Variants in CD163L1 observed in about 807,000 individuals in gnomAD.
The protein encoded by CD163L1 is scavenger receptor cysteine-rich type 1 protein M160.
A neutral mutation model predicts 165.4 loss-of-function variants in CD163L1; 124 were observed. The observed-to-expected ratio is 0.75, with a 90% CI of 0.65 to 0.87. CD163L1 has a LOEUF of 0.87. CD163L1 is among the 40% of genes least tolerant of loss of function. The probability of loss-of-function intolerance (pLI) is 0.00; values close to 1 mark genes in which losing one functional copy is unlikely to be tolerated. For missense variants in CD163L1, 1,525 were observed against 1,799.9 expected (o/e 0.85, Z 2.76); for synonymous variants, 585 against 662.2 (o/e 0.88, Z 1.79).
the CD163L1 span, among the ~76,000 whole-genome samples, chr12:7,339,684 A>AT: frequency 6.6e-6 from 1 of 151,904 alleles, no homozygotes; most frequent in Non-Finnish European, 1.5e-5. Flanking sequence ...TAGAGAGAAT[A>AT]TTTTTCAGGC....
At chr12:7,416,052 A>G (rs1162156000) in intron 4 of CD163L1, among the ~76,000 whole-genome samples, 2 of 152,220 alleles carry the variant, frequency 1.3e-5, no homozygotes, top group Non-Finnish European at 2.9e-5. Context: ...ACAGTGTAAA[A>G]GCATTCCTAT....
intron 7 of CD163L1, among the ~76,000 whole-genome samples, chr12:7,397,894 C>T (rs938511274): frequency 3.9e-5 from 6 of 152,068 alleles, no homozygotes; most frequent in Non-Finnish European, 7.4e-5. Context: ...TGATATGAGC[C>T]CTAAGCAGAG....
chr12:7,352,388 T>C (rs1946712781), downstream of CD163L1, among the ~76,000 whole-genome samples: 2 of 152,104 alleles, frequency 1.3e-5, no homozygotes, highest in South Asian at 2.1e-4. Context: ...ACTAGGAAGA[T>C]ATTAACAGGG....
At chr12:7,419,002 G>C (rs914798978) in intron 4 of CD163L1, among the ~76,000 whole-genome samples, 1 of 152,004 alleles carries the variant, frequency 6.6e-6, no homozygotes, top group African/African-American at 2.4e-5. Context: ...GATTCAGAGA[G>C]AATCCTCCGT....
rs755446430 is a variant in CD163L1, at chr12:7,439,464, G to A, written c.124+1690C>T. The A allele has an allele frequency of 9.3e-5, 147 of 1,582,388 alleles. 1 individual carries two copies. The highest frequency in any genetic ancestry group is 1.1e-4 in the Non-Finnish European group (130 of 1,170,494). On this transcript the variant is annotated intron_variant, in intron 2 of 19. Coordinates refer to ENST00000313599, the MANE Select transcript of CD163L1 (RefSeq NM_174941.6). ...GTTTGGACTTGTCTTTTAGCTTCCC[G>A]GCCTTTGCTTTTTTCTTTTTCAGAT...
At chr12:7,379,448 T>C (rs1202861221) in intron 8 of CD163L1, 150 bp from the exon 9 acceptor site, 2 of 716,908 alleles carry the variant, frequency 2.8e-6, no homozygotes, top group African/African-American at 3.5e-5. Context: ...TTTTATTTTT[T>C]ACTTTCCTTC....
At chr12:7,436,501 A>G (rs1948714383) in intron 2 of CD163L1, among the ~76,000 whole-genome samples, 2 of 152,186 alleles carry the variant, frequency 1.3e-5, no homozygotes, top group African/African-American at 4.8e-5. Context: ...CCCAGATGCC[A>G]TGGCTCATGT....
At chr12:7,367,117 G>T in intron 18 of CD163L1, 119 bp downstream of exon 18, 2 of 466,598 alleles carry the variant, frequency 4.3e-6, no homozygotes, top group South Asian at 6.6e-5. Context: ...TTTCCCTTTC[G>T]CGTATTTTGT....
chr12:7,414,839 A>G (rs1257490117), intron 4 of CD163L1, among the ~76,000 whole-genome samples: 1 of 152,182 alleles, frequency 6.6e-6, no homozygotes. Context: ...AACCCTGCCA[A>G]TCAAGAACAT....
intron 2 of CD163L1, chr12:7,438,857 G>A (rs1365952747): frequency 2.1e-5 from 33 of 1,571,304 alleles, no homozygotes; most frequent in Non-Finnish European, 2.8e-5. Context: ...GACAGATATA[G>A]GCATAAGCTT....
At chr12:7,322,490 G>A in the CD163L1 span, 6 of 1,613,926 alleles carry the variant, frequency 3.7e-6, no homozygotes, top group Non-Finnish European at 4.2e-6. Flanking sequence ...TGGAGCAGTG[G>A]AGGGTGCAAA....
At chr12:7,403,962 A>G (rs1947965144) in intron 5 of CD163L1, 107 bp from the exon 6 acceptor site, 1 of 755,006 alleles carries the variant, frequency 1.3e-6, no homozygotes, top group Non-Finnish European at 2.1e-6. Context: ...TCCTTCACAT[A>G]CTGAGAAAAG....
At chr12:7,373,284 G>T (rs941058764) in intron 14 of CD163L1, 36 bp downstream of exon 14, 11 of 1,525,206 alleles carry the variant, frequency 7.2e-6, no homozygotes, top group Non-Finnish European at 9.8e-6. Flanking sequence ...ATTTCACAGG[G>T]CTTCAGTGAC....
At chr12:7,387,217 T>C (rs1250729045) in intron 8 of CD163L1, among the ~76,000 whole-genome samples, 1 of 151,970 alleles carries the variant, frequency 6.6e-6, no homozygotes, top group Non-Finnish European at 1.5e-5. Flanking sequence ...GGCAATCTCA[T>C]TTGCAAGAGC....
At chr12:7,391,892 C>A (rs1947662810) in intron 8 of CD163L1, among the ~76,000 whole-genome samples, 1 of 152,172 alleles carries the variant, frequency 6.6e-6, no homozygotes, top group Admixed American at 6.5e-5. Flanking sequence ...AATATATATG[C>A]ACCCAATACA....
In CD163L1 at chr12:7,403,704, C is replaced by T. The variant is rs529554431; in HGVS notation, c.1239G>A (p.Pro413=). The T allele has an allele frequency of 2.4e-5, 39 of 1,613,952 alleles. No homozygotes were observed. Among genetic ancestry groups the T allele is most frequent in the Non-Finnish European group, 2.9e-5 (34 of 1,179,984 alleles). The change falls in exon 6 of 20, where the codon CCG becomes CCA. Residue 413 remains proline, a synonymous_variant. Coordinates refer to ENST00000313599, the MANE Select transcript of CD163L1 (RefSeq NM_174941.6). The part of the protein sequence containing the change: ...ALVVCKQLGC[P]FSVFGSRRAK... The stretch of plus-strand genomic sequence containing the variant: ...CACGACGACTGCCAAAGACGCTGAA[C>T]GGACATCCTAGCTGCTTACAAACCA...
intron 4 of CD163L1, among the ~76,000 whole-genome samples, chr12:7,426,061 A>G (rs1948535799): frequency 6.6e-6 from 1 of 152,240 alleles, no homozygotes; most frequent in African/African-American, 2.4e-5. Flanking sequence ...TCAATGATAG[A>G]CTGGATAAAG....
At chr12:7,430,466 C>A (rs777178758) in intron 4 of CD163L1, among the ~76,000 whole-genome samples, 2 of 152,138 alleles carry the variant, frequency 1.3e-5, no homozygotes, top group African/African-American at 4.8e-5. Flanking sequence ...TTTTCTATGC[C>A]TCTTCCACCT....
intron 18 of CD163L1, among the ~76,000 whole-genome samples, chr12:7,365,556 A>G (rs1162983316): frequency 6.6e-6 from 1 of 152,114 alleles, no homozygotes; most frequent in Admixed American, 6.5e-5. Context: ...AGCTCAGACA[A>G]CTCAATAGAA....
Sources: gnomAD v4.1 joint callset for allele counts (sites outside exome capture counted in the v4.1 genomes callset) on GRCh38, gnomAD v4.1.1 for gene constraint, MANE v1.5 for transcripts, NCBI Gene and HGNC (gene_info 2026-07-23, HGNC 2026-07-21) for gene names.